Variants in KLF12 observed in about 807,000 individuals in gnomAD.
The protein encoded by KLF12 is Krueppel-like factor 12.
KLF12 carries 9 observed loss-of-function variants against 37.8 expected under a neutral mutation model. The observed-to-expected ratio is 0.24, with a 90% CI of 0.14 to 0.42. The LOEUF (loss-of-function observed/expected upper bound fraction) is 0.42, where lower values mean the gene tolerates loss of function less well. Among genes scored for constraint, KLF12 ranks in the 10% least tolerant of loss-of-function variants. The pLI, the probability that KLF12 is intolerant of heterozygous loss-of-function variation, is 1.00. For missense variants in KLF12, 411 were observed against 516.0 expected, an observed-to-expected ratio of 0.80 and a Z score of 1.97; for synonymous variants, 208 against 202.1, an observed-to-expected ratio of 1.03 and a Z score of -0.25.
chr13:73,808,187 G>T (rs372615718), intron 5 of KLF12, among the ~76,000 whole-genome samples: 2 of 152,092 alleles, frequency 1.3e-5, no homozygotes, highest in Non-Finnish European at 2.9e-5. Flanking sequence ...CATCAAGGGG[G>T]TGGGGGATCA....
chr13:74,263,974 T>A, the KLF12 span, among the ~76,000 whole-genome samples: 51 of 152,282 alleles, frequency 3.3e-4, 1 homozygote, highest in East Asian at 5.8e-4. Flanking sequence ...TGAAAGTTGG[T>A]TCCAGGAGCA....
chr13:74,125,154 A>AAAT (rs72043748), intron 1 of KLF12, among the ~76,000 whole-genome samples: 4 of 143,286 alleles, frequency 2.8e-5, no homozygotes, highest in African/African-American at 1.0e-4. Context: ...CAAAAAAAAA[A>AAAT]ATATATATAT....
At chr13:74,073,330 C>T (rs1474650701) in intron 1 of KLF12, among the ~76,000 whole-genome samples, 1 of 151,886 alleles carries the variant, frequency 6.6e-6, no homozygotes, top group African/African-American at 2.4e-5. Flanking sequence ...CAGTTATTTG[C>T]CATAGATTGA....
chr13:73,918,745 CT>C (rs1453147024), intron 3 of KLF12, among the ~76,000 whole-genome samples: 2 of 152,180 alleles, frequency 1.3e-5, no homozygotes, highest in Non-Finnish European at 2.9e-5. Flanking sequence ...TTGAGTTTGG[CT>C]AGACACTGGA....
At chr13:74,229,504 A>G in the KLF12 span, among the ~76,000 whole-genome samples, 1 of 152,220 alleles carries the variant, frequency 6.6e-6, no homozygotes, top group African/African-American at 2.4e-5. Context: ...ACGGTGATGC[A>G]TGGTAACAAC....
the KLF12 span, among the ~76,000 whole-genome samples, chr13:74,243,883 C>T: frequency 5.9e-5 from 9 of 152,196 alleles, no homozygotes; most frequent in East Asian, 5.8e-4. Context: ...GGAGGAGGCC[C>T]GACACTAGCA....
Position 73,744,110 on chromosome 13 carries a change from G to C in KLF12, c.869+20828C>G, listed in dbSNP as rs1428708894. Among the ~76,000 whole-genome samples, 3 of 152,242 alleles carry C rather than the reference G, an allele frequency of 2.0e-5. No homozygotes were observed. In the East Asian group the frequency reaches 5.8e-4, roughly 29 times the overall value. ...AAATGCCAAGACCTATGGCATCTTT[G>C]AACTAAAGTTAAATACCGCTGTTAA... On this transcript the variant is annotated intron_variant, in intron 6 of 7. Transcript: ENST00000377669.
rs1484146580 is a variant in KLF12, at chr13:74,008,576, C to T, written c.-31-13523G>A. Reference sequence around the variant, plus strand: ...GGAGAAAACAATTTGGTCATTTTTCCTTAATTAAACTGCAATACTACCATT... The same window carrying T: ...GGAGAAAACAATTTGGTCATTTTTCTTTAATTAAACTGCAATACTACCATT... On this transcript the variant is annotated intron_variant, in intron 1 of 7. Coordinates refer to ENST00000377669, the MANE Select transcript of KLF12 (RefSeq NM_007249.5). Among the ~76,000 whole-genome samples, 3 of 152,164 alleles carry T rather than the reference C, an allele frequency of 2.0e-5. No homozygotes were observed. The East Asian group carries it at 5.8e-4, about 29-fold the overall frequency.
the KLF12 span, among the ~76,000 whole-genome samples, chr13:74,245,606 G>A: frequency 6.6e-6 from 1 of 152,092 alleles, no homozygotes; most frequent in African/African-American, 2.4e-5. Flanking sequence ...GGAAATGATT[G>A]CTCTGAGAAC....
At chr13:74,210,134 G>A in the KLF12 span, among the ~76,000 whole-genome samples, 2 of 152,170 alleles carry the variant, frequency 1.3e-5, no homozygotes, top group Admixed American at 1.3e-4. Context: ...AGAAAGAGTT[G>A]ATCCAGGTGC....
At chr13:74,205,367 A>T in the KLF12 span, among the ~76,000 whole-genome samples, 9 of 152,258 alleles carry the variant, frequency 5.9e-5, no homozygotes, top group Admixed American at 2.0e-4. Flanking sequence ...TTCTCCCAAG[A>T]CAACTGGCAT....
At chr13:73,782,233 G>A (rs1296652427) in intron 5 of KLF12, among the ~76,000 whole-genome samples, 1 of 152,184 alleles carries the variant, frequency 6.6e-6, no homozygotes, top group African/African-American at 2.4e-5. Flanking sequence ...AATGGGGATA[G>A]TTCAAAACAA....
intron 6 of KLF12, among the ~76,000 whole-genome samples, chr13:73,724,656 T>C (rs916380244): frequency 2.6e-5 from 4 of 152,222 alleles, no homozygotes; most frequent in Non-Finnish European, 2.9e-5. Context: ...CTTTGAATAC[T>C]CTGTGAAATT....
chr13:74,239,578 G>A, the KLF12 span, among the ~76,000 whole-genome samples: 6 of 111,490 alleles, frequency 5.4e-5, no homozygotes, highest in African/African-American at 2.1e-4. Context: ...GGGAGTCTAA[G>A]TCTCTTTGTA....
chr13:73,867,548 AACTC>A (rs1179303091), intron 3 of KLF12, among the ~76,000 whole-genome samples: 2 of 152,096 alleles, frequency 1.3e-5, no homozygotes, highest in Non-Finnish European at 2.9e-5. Context: ...ATTTTAGCAT[AACTC>A]ACTCAGTAAC....
At chr13:73,992,921 A>G (rs1892008739) in intron 2 of KLF12, among the ~76,000 whole-genome samples, 1 of 152,172 alleles carries the variant, frequency 6.6e-6, no homozygotes, top group Non-Finnish European at 1.5e-5. Context: ...AAATGTATGA[A>G]AAATCATTTT....
At chr13:74,282,795 G>T in the KLF12 span, among the ~76,000 whole-genome samples, 1 of 152,140 alleles carries the variant, frequency 6.6e-6, no homozygotes, top group Non-Finnish European at 1.5e-5. Flanking sequence ...TACGGTTTCA[G>T]TTCTATTAAT....
At chr13:74,196,782 C>A in the KLF12 span, among the ~76,000 whole-genome samples, 11 of 152,140 alleles carry the variant, frequency 7.2e-5, no homozygotes, top group Non-Finnish European at 1.6e-4. Flanking sequence ...TGTGCCCTCT[C>A]TTTTCTTTCT....
chr13:73,894,839 T>G (rs958488134), intron 3 of KLF12, among the ~76,000 whole-genome samples: 1 of 152,162 alleles, frequency 6.6e-6, no homozygotes, highest in East Asian at 1.9e-4. Context: ...ATAAGTTCTA[T>G]TTTTTAGTAT....
Sources: allele counts gnomAD v4.1 joint callset (sites outside exome capture counted in the v4.1 genomes callset), GRCh38; gene constraint gnomAD v4.1.1; transcripts MANE v1.5; gene names NCBI Gene and HGNC (gene_info 2026-07-23, HGNC 2026-07-21).